The following SYNJ1 variants were observed in gnomAD, a reference collection of about 807,000 sequenced individuals.
SYNJ1 encodes synaptojanin 1.
SYNJ1 carries 78 observed loss-of-function variants against 168.2 expected under a neutral mutation model. The observed-to-expected ratio is 0.46, with a 90% CI of 0.39 to 0.56. The LOEUF (loss-of-function observed/expected upper bound fraction) is 0.56. SYNJ1 is among the 20% of genes least tolerant of loss of function. The pLI, the probability that SYNJ1 is intolerant of heterozygous loss-of-function variation, is 0.00. For synonymous variants in SYNJ1, 539 were observed against 548.6 expected (o/e 0.98, Z 0.24); for missense variants, 1,303 against 1,597.6 (o/e 0.82, Z 3.14).
chr21:32,704,562 C>T (rs192423225), intron 2 of SYNJ1, among the ~76,000 whole-genome samples: 21 of 152,216 alleles, frequency 1.4e-4, no homozygotes, highest in African/African-American at 3.1e-4. Flanking sequence ...TGGGAGGGGC[C>T]GCCTGGCATG....
chr21:32,722,201 A>T (rs1392102573), intron 2 of SYNJ1, among the ~76,000 whole-genome samples: 26 of 113,828 alleles, frequency 2.3e-4, no homozygotes, highest in South Asian at 5.2e-4. Context: ...AAAAAAAAAA[A>T]AAAAATATAT....
chr21:32,696,047 C>T (rs958108318), intron 4 of SYNJ1, among the ~76,000 whole-genome samples: 1 of 152,020 alleles, frequency 6.6e-6, no homozygotes, highest in African/African-American at 2.4e-5. Flanking sequence ...GGGGTTTCCC[C>T]GTGTTAGTGT....
chr21:32,678,483 C>T (rs2041497744), intron 12 of SYNJ1, among the ~76,000 whole-genome samples, 162 bp downstream of exon 12: 2 of 151,886 alleles, frequency 1.3e-5, no homozygotes, highest in African/African-American at 4.8e-5. Context: ...TATTTTAAAA[C>T]AGACAAACTT....
At chr21:32,669,818 A>C (rs2041115521) in intron 15 of SYNJ1, among the ~76,000 whole-genome samples, 1 of 152,214 alleles carries the variant, frequency 6.6e-6, no homozygotes, top group Non-Finnish European at 1.5e-5. Context: ...TTCTTCATAT[A>C]CTTCAATCAA....
intron 11 of SYNJ1, among the ~76,000 whole-genome samples, chr21:32,680,352 G>A (rs890954210): frequency 9.9e-5 from 15 of 152,068 alleles, no homozygotes; most frequent in Admixed American, 3.3e-4. Flanking sequence ...AGCTGAATGA[G>A]AACTATAAAA....
intron 16 of SYNJ1, 142 bp downstream of exon 16, chr21:32,666,291 A>C (rs1351790045): frequency 5.5e-6 from 8 of 1,452,192 alleles, no homozygotes; most frequent in Non-Finnish European, 6.5e-6. Context: ...GTGAGTCTTT[A>C]ATCAAAACCC....
chr21:32,726,080 T>C (rs76446596), intron 2 of SYNJ1, among the ~76,000 whole-genome samples: 15,934 of 152,198 alleles, frequency 0.1, 918 homozygotes, highest in African/African-American at 0.13. Flanking sequence ...CCTCAAGCGA[T>C]CAGCCCCCCT....
chr21:32,694,224 A>G lies in SYNJ1; in HGVS notation c.789+4T>C. ...ACAAAAATAACTGAATGTCAAACAC[A>G]TACTTGCAACCCTGGTTGCTCCCAG... On this transcript the variant is annotated splice_donor_region_variant and intron_variant, in intron 6 of 32. Coordinates refer to ENST00000674351, the MANE Select transcript of SYNJ1 (RefSeq NM_203446.3). The G allele has an allele frequency of 6.5e-7, 1 of 1,530,582 alleles. No homozygotes were observed. The highest frequency in any genetic ancestry group is 8.7e-7 in the Non-Finnish European group (1 of 1,147,664). 94.8% of individuals were successfully genotyped at this position (1,530,582 alleles called of 1,614,324 possible).
chr21:32,645,439 G>A (rs180966235), intron 25 of SYNJ1, among the ~76,000 whole-genome samples: 1 of 152,300 alleles, frequency 6.6e-6, no homozygotes, highest in East Asian at 1.9e-4. Context: ...AAAGGCAGCT[G>A]TGAAAACACC....
At chr21:32,712,896 A>C (rs558118189) in intron 2 of SYNJ1, among the ~76,000 whole-genome samples, 21 of 152,318 alleles carry the variant, frequency 1.4e-4, no homozygotes, top group Middle Eastern at 3.4e-3. Flanking sequence ...CGACATACGT[A>C]TATACTGTGA....
chr21:32,708,522 G>A lies in SYNJ1; in HGVS notation c.125-6475C>T, dbSNP rs183182144. ...AATGTCCCAGAAGAGAATTGCTTTC[G>A]GAGTGATTCTGAGCCCATCAAGATC... On this transcript the variant is annotated intron_variant, in intron 2 of 32. Transcript: ENST00000674351. Among the ~76,000 whole-genome samples, 391 of 152,266 alleles carry A rather than the reference G, an allele frequency of 2.6e-3. 2 individuals carry two copies. The highest frequency in any genetic ancestry group is 9.0e-3 in the African/African-American group (372 of 41,556).
At chr21:32,707,604 G>T (rs1346357104) in intron 2 of SYNJ1, among the ~76,000 whole-genome samples, 1 of 152,048 alleles carries the variant, frequency 6.6e-6, no homozygotes, top group South Asian at 2.1e-4. Flanking sequence ...AAAGTACTGG[G>T]ATTACAGGCA....
At chr21:32,700,651 C>G (rs1156910512) in intron 3 of SYNJ1, among the ~76,000 whole-genome samples, 1 of 151,852 alleles carries the variant, frequency 6.6e-6, no homozygotes, top group African/African-American at 2.4e-5. Context: ...GCTAAAACTA[C>G]GTCTCAAAAA....
At chr21:32,673,187 G>C (rs1381384172) in intron 14 of SYNJ1, among the ~76,000 whole-genome samples, 153 bp downstream of exon 14, 1 of 152,166 alleles carries the variant, frequency 6.6e-6, no homozygotes, top group Non-Finnish European at 1.5e-5. Context: ...GATTTTAATA[G>C]ATGTGATCTT....
intron 9 of SYNJ1, 125 bp downstream of exon 9, chr21:32,685,623 T>A (rs981874076): frequency 1.7e-6 from 1 of 594,024 alleles, no homozygotes; most frequent in Non-Finnish European, 2.3e-6. Flanking sequence ...AAAAATAAAA[T>A]GAAATATTTA....
chr21:32,726,213 C>A (rs1469786555), intron 2 of SYNJ1, among the ~76,000 whole-genome samples: 1 of 152,306 alleles, frequency 6.6e-6, no homozygotes, highest in East Asian at 1.9e-4. Context: ...ATAACTCAAA[C>A]ATTACTAATC....
chr21:32,727,241 T>G (rs2043501490), intron 1 of SYNJ1, among the ~76,000 whole-genome samples: 1 of 152,208 alleles, frequency 6.6e-6, no homozygotes, highest in South Asian at 2.1e-4. Flanking sequence ...CGTCCGGAGC[T>G]GTTTATCAGC....
intron 2 of SYNJ1, among the ~76,000 whole-genome samples, chr21:32,707,687 G>C (rs1338017586): frequency 3.9e-5 from 6 of 152,044 alleles, no homozygotes; most frequent in Non-Finnish European, 7.4e-5. Context: ...ACTCTGAATG[G>C]AACACTGCAA....
chr21:32,682,993 T>C (rs1044305586), intron 10 of SYNJ1, among the ~76,000 whole-genome samples: 30 of 152,270 alleles, frequency 2.0e-4, no homozygotes, highest in African/African-American at 7.2e-4. Context: ...CAGTAAAATT[T>C]ATTTAGTTAC....
Sources: allele counts gnomAD v4.1 joint callset (sites outside exome capture counted in the v4.1 genomes callset), GRCh38; gene constraint gnomAD v4.1.1; transcripts MANE v1.5; gene names NCBI Gene and HGNC (gene_info 2026-07-23, HGNC 2026-07-21).